The following RASGRF2 variants were observed in gnomAD, a reference collection of about 807,000 sequenced individuals.
The protein encoded by RASGRF2 is ras-specific guanine nucleotide-releasing factor 2.
A neutral mutation model predicts 151.0 loss-of-function variants in RASGRF2; 76 were observed. The ratio of observed to expected loss-of-function variants is 0.50; its 90% CI spans 0.42 to 0.61. The LOEUF (loss-of-function observed/expected upper bound fraction) is 0.61, where lower values mean the gene tolerates loss of function less well. Among genes scored for constraint, RASGRF2 ranks in the 20% least tolerant of loss-of-function variants. The pLI, the probability that RASGRF2 is intolerant of heterozygous loss-of-function variation, is 0.00. For missense variants in RASGRF2, 1,148 were observed against 1,564.6 expected (o/e 0.73, Z 4.49); for synonymous variants, 504 against 566.5 (o/e 0.89, Z 1.57).
chr5:81,187,326 T>C (rs908460200), intron 18 of RASGRF2, among the ~76,000 whole-genome samples: 6 of 152,222 alleles, frequency 3.9e-5, no homozygotes, highest in African/African-American at 1.4e-4. Context: ...AATTAAATGT[T>C]AATAGTCCCA....
intron 2 of RASGRF2, among the ~76,000 whole-genome samples, chr5:81,047,523 A>C (rs952099861): frequency 2.6e-5 from 4 of 152,184 alleles, no homozygotes; most frequent in Non-Finnish European, 5.9e-5. Flanking sequence ...CTCCACCTCG[A>C]TTCTCTTCCC....
intron 17 of RASGRF2, among the ~76,000 whole-genome samples, chr5:81,165,374 C>T (rs1561240082): frequency 6.6e-6 from 1 of 152,128 alleles, no homozygotes; most frequent in Non-Finnish European, 1.5e-5. Flanking sequence ...TAGGAAGAAT[C>T]GAACAGTTGG....
Position 81,185,102 on chromosome 5 carries a change from GC to G in RASGRF2, c.2793+4822del, listed in dbSNP as rs1397921058. Among the ~76,000 whole-genome samples, 3 of 152,336 alleles carry G rather than the reference GC, an allele frequency of 2.0e-5. No individual in the cohort carries two copies. The East Asian group carries it at 5.8e-4, about 29-fold the overall frequency. ...GCTAAGAGCTCGTGAAATCAATCCT[GC>G]TAGCAATTGTGATCACCCACCTGTG... is the stretch of plus-strand genomic sequence containing the variant. On this transcript the variant is annotated intron_variant, in intron 18 of 26. Transcript: ENST00000265080.
chr5:81,122,476 C>T (rs543852271), intron 15 of RASGRF2, among the ~76,000 whole-genome samples: 21 of 152,220 alleles, frequency 1.4e-4, no homozygotes, highest in African/African-American at 5.1e-4. Context: ...TTCCTGGCCC[C>T]TTTGTGTTTC....
rs377235039 is a variant in RASGRF2, at chr5:81,088,653, TGTGAGAATG to T, written c.1390+1702_1390+1710del. ...ACTAATTGACTTGTGCTTGATAGTATGTGAGAATGGAGACGAAAGTTTCTATAATGTACA... is the reference window on the plus strand; with the variant it reads ...ACTAATTGACTTGTGCTTGATAGTATGAGACGAAAGTTTCTATAATGTACA... On this transcript the variant is annotated intron_variant, in intron 9 of 26. Transcript: ENST00000265080. 5.8e-4 allele frequency: 88 copies of T among 152,334 alleles called. 2 individuals carry two copies. Among genetic ancestry groups the T allele is most frequent in the African/African-American group, 2.0e-3 (82 of 41,584 alleles). 9.4% of individuals were successfully genotyped at this position (152,334 alleles called of 1,614,324 possible).
chr5:81,197,340 C>T (rs1044578743), intron 18 of RASGRF2, among the ~76,000 whole-genome samples: 2 of 150,752 alleles, frequency 1.3e-5, no homozygotes, highest in Non-Finnish European at 3.0e-5. Flanking sequence ...CCTGTAGTCC[C>T]AGCTACTCGG....
intron 1 of RASGRF2, among the ~76,000 whole-genome samples, chr5:81,021,269 G>T (rs957469032): frequency 6.6e-6 from 1 of 152,120 alleles, no homozygotes; most frequent in Non-Finnish European, 1.5e-5. Context: ...GCCTTGTTTG[G>T]GATGGAAGGA....
Position 81,080,722 on chromosome 5 carries a change from A to G in RASGRF2, c.1094A>G (p.Gln365Arg). 1 of 1,614,242 alleles carries G rather than the reference A, an allele frequency of 6.2e-7. No individual in the cohort carries two copies. The highest frequency in any genetic ancestry group is 8.5e-7 in the Non-Finnish European group (1 of 1,180,044). The change falls in exon 7 of 27, where the codon CAG becomes CGG. Residue 365 changes from glutamine (Q) to arginine (R), a missense_variant. Physicochemically the swap from Gln to Arg is conservative, Grantham distance 43 (BLOSUM62 1). Transcript: ENST00000265080. ...AGAGATTTTGACAAACTCTTAAAAC[A>G]GTATGAAGCCAATCCAGCCTGTGAG... Reference protein sequence around the residue: ...QNRDFDKLLKQYEANPACEGR... With the variant: ...QNRDFDKLLKRYEANPACEGR...
intron 2 of RASGRF2, among the ~76,000 whole-genome samples, chr5:81,062,550 G>A (rs1021559117): frequency 1.3e-5 from 2 of 151,832 alleles, no homozygotes; most frequent in Admixed American, 6.6e-5. Context: ...GACATATTCT[G>A]TTCTCTAAAT....
intron 5 of RASGRF2, 68 bp downstream of exon 5, chr5:81,073,520 T>C (rs1389771470): frequency 8.1e-6 from 12 of 1,489,690 alleles, no homozygotes; most frequent in Admixed American, 2.2e-5. Flanking sequence ...GAATTTTTAC[T>C]TAATCTTTAA....
chr5:81,112,572 T>A (rs10474647), intron 13 of RASGRF2, 38 bp from the exon 14 acceptor site: 24,769 of 1,610,476 alleles, frequency 0.015, 390 homozygotes, highest in African/African-American at 0.051. Context: ...GGAAGCCTCC[T>A]CCTGGTTTTA....
intron 1 of RASGRF2, among the ~76,000 whole-genome samples, chr5:80,977,677 G>A (rs188293847): frequency 9.4e-4 from 143 of 152,252 alleles, no homozygotes; most frequent in Non-Finnish European, 1.6e-3. Flanking sequence ...GGCTGGTCTC[G>A]AACTACTGAC....
In RASGRF2 at chr5:81,034,125, C is replaced by T. The variant is rs375449799; in HGVS notation, c.289-8752C>T. Among the ~76,000 whole-genome samples, 13 of 150,650 alleles carry T rather than the reference C, an allele frequency of 8.6e-5. No individual in the cohort carries two copies. In the East Asian group the frequency reaches 1.8e-3, roughly 20 times the overall value. On this transcript the variant is annotated intron_variant, in intron 1 of 26. Coordinates refer to ENST00000265080, the MANE Select transcript of RASGRF2 (RefSeq NM_006909.3). The stretch of plus-strand genomic sequence containing the variant: ...TACCATCTCACACCAGTTAGAATGG[C>T]GATCATTAAAAAGTCAGGATACAGA...
intron 17 of RASGRF2, among the ~76,000 whole-genome samples, chr5:81,173,320 G>A (rs979504332): frequency 3.9e-5 from 6 of 152,190 alleles, no homozygotes; most frequent in African/African-American, 1.4e-4. Flanking sequence ...AGAGGTTGCA[G>A]TGAGCCAAGA....
At chr5:80,971,494 T>C (rs34993) in intron 1 of RASGRF2, among the ~76,000 whole-genome samples, 27,234 of 151,634 alleles carry the variant, frequency 0.18, 2,776 homozygotes, top group East Asian at 0.43. Context: ...CGACACCTCC[T>C]CAGGCTTAAG....
chr5:81,081,599 C>A (rs568564909), intron 7 of RASGRF2, among the ~76,000 whole-genome samples: 1 of 152,320 alleles, frequency 6.6e-6, no homozygotes, highest in South Asian at 2.1e-4. Context: ...CTGGCCAGGC[C>A]TCCAAATTGT....
At chr5:81,017,408 C>G (rs1181630095) in intron 1 of RASGRF2, among the ~76,000 whole-genome samples, 2 of 152,204 alleles carry the variant, frequency 1.3e-5, no homozygotes, top group African/African-American at 4.8e-5. Flanking sequence ...CCTGCTGAAC[C>G]ACACTTGGCC....
Position 81,225,814 on chromosome 5 carries a change from C to G in RASGRF2, c.*44C>G. 1 of 1,592,092 alleles carries G rather than the reference C, an allele frequency of 6.3e-7. No homozygotes were observed. The highest frequency in any genetic ancestry group is 8.5e-7 in the Non-Finnish European group (1 of 1,170,822). The stretch of plus-strand genomic sequence containing the variant: ...GAGTCCACGGGATGTTCATGGAAAG[C>G]AGGACAGACAGAATTGTGTATGCCT... On this transcript the variant is annotated 3_prime_UTR_variant, in exon 27 of 27. Coordinates refer to ENST00000265080, the MANE Select transcript of RASGRF2 (RefSeq NM_006909.3).
At chr5:81,085,741 G>A in intron 7 of RASGRF2, 61 bp from the exon 8 acceptor site, 1 of 1,603,010 alleles carries the variant, frequency 6.2e-7, no homozygotes, top group Non-Finnish European at 8.5e-7. Context: ...TGGCCCTGCG[G>A]AGCATGTGCC....
Sources: gnomAD v4.1 joint callset for allele counts (sites outside exome capture counted in the v4.1 genomes callset) on GRCh38, gnomAD v4.1.1 for gene constraint, MANE v1.5 for transcripts, NCBI Gene and HGNC (gene_info 2026-07-23, HGNC 2026-07-21) for gene names.